Variants in MDH2 observed in about 807,000 individuals in gnomAD.
MDH2 encodes the protein malate dehydrogenase, mitochondrial.
A neutral mutation model predicts 33.6 loss-of-function variants in MDH2; 25 were observed. The ratio of observed to expected loss-of-function variants is 0.74; its 90% CI spans 0.54 to 1.04. The LOEUF (loss-of-function observed/expected upper bound fraction) is 1.04. Ranked by LOEUF, MDH2 falls within the 50% of genes least tolerant of loss-of-function variation. MDH2 has a pLI of 0.00. For missense variants in MDH2, 432 were observed against 445.0 expected, an observed-to-expected ratio of 0.97 and a Z score of 0.26; for synonymous variants, 193 against 188.7, an observed-to-expected ratio of 1.02 and a Z score of -0.19.
Position 76,066,468 on chromosome 7 carries a change from G to C in MDH2, c.*58G>C. 3.9e-6 allele frequency: 6 copies of C among 1,550,656 alleles called. No homozygotes were observed. The highest frequency in any genetic ancestry group is 5.2e-6 in the Non-Finnish European group (6 of 1,147,622). The stretch of plus-strand genomic sequence containing the variant: ...TATGAAGGCATCATGTCACTGCAAA[G>C]CCGTTGCAGATAAACTTTGTATTTT... On this transcript the variant is annotated 3_prime_UTR_variant, in exon 9 of 9. Coordinates refer to ENST00000315758, the MANE Select transcript of MDH2 (RefSeq NM_005918.4).
chr7:76,053,357 T>A (rs1797677473), intron 1 of MDH2, among the ~76,000 whole-genome samples: 1 of 151,968 alleles, frequency 6.6e-6, no homozygotes, highest in African/African-American at 2.4e-5. Flanking sequence ...ACACAAGATG[T>A]GGGAGTGAGA....
chr7:76,062,669 CTT>C (rs1797988198), intron 5 of MDH2, among the ~76,000 whole-genome samples: 1 of 152,222 alleles, frequency 6.6e-6, no homozygotes, highest in Admixed American at 6.5e-5. Context: ...AATCCCAGCA[CTT>C]TGGGAAGCCA....
chr7:76,053,317 A>G (rs1344362149), intron 1 of MDH2, among the ~76,000 whole-genome samples: 2 of 152,166 alleles, frequency 1.3e-5, no homozygotes, highest in Non-Finnish European at 2.9e-5. Context: ...CTGGGAATGC[A>G]GAGCTGGGAT....
intron 1 of MDH2, chr7:76,054,546 TC>T: frequency 2.4e-6 from 1 of 413,928 alleles, no homozygotes. Context: ...CTGTTACCAG[TC>T]CAGCTGCCTG....
chr7:76,059,149 G>A (rs1184578578), intron 4 of MDH2, among the ~76,000 whole-genome samples: 3 of 152,174 alleles, frequency 2.0e-5, no homozygotes, highest in Non-Finnish European at 4.4e-5. Context: ...TCGCCATGTT[G>A]GTGAGGCTGG....
At position 76,064,984 on chromosome 7, in the gene MDH2, G is replaced by A. The variant is rs202166736; in HGVS notation, c.885+31G>A. 7.4e-6 allele frequency: 12 copies of A among 1,612,376 alleles called. No homozygotes were observed. The East Asian group carries it at 1.6e-4, about 21-fold the overall frequency. The stretch of plus-strand genomic sequence containing the variant: ...TATCCAGGCGTGGGTCCTTCTGACT[G>A]TGGAATAAGGGGGCGTTCCCTTTGC... On this transcript the variant is annotated intron_variant, in intron 8 of 8. Transcript: ENST00000315758.
rs1554586547 is a variant in MDH2, at chr7:76,058,119, GT to G, written c.429+44del. The G allele has an allele frequency of 1.9e-6, 3 of 1,561,484 alleles. No homozygotes were observed. The Admixed American group carries it at 5.1e-5, about 26-fold the overall frequency. On this transcript the variant is annotated intron_variant, in intron 4 of 8. Transcript: ENST00000315758. ...CCCGGCTCTTGCAGCTATGGCAGGT[GT>G]TTAGGTGCTGACAGTGCGTGAAAAG...
rs558787456 is a variant in MDH2 at position 76,052,508 on chromosome 7, C to T, written c.67-2322C>T. On this transcript the variant is annotated intron_variant, in intron 1 of 8. Coordinates refer to ENST00000315758, the MANE Select transcript of MDH2 (RefSeq NM_005918.4). ...CCCTGGTGGGATTGTCTTGGCCACT[C>T]CCCTGTGGAACCACTGCCCTGGCTG... Among the ~76,000 whole-genome samples, 11 of 151,078 alleles carry T rather than the reference C, an allele frequency of 7.3e-5. 1 individual carries two copies. In the South Asian group the frequency reaches 2.1e-3, roughly 29 times the overall value.
intron 5 of MDH2, among the ~76,000 whole-genome samples, chr7:76,062,401 C>T (rs1797980525): frequency 3.9e-5 from 6 of 152,244 alleles, no homozygotes; most frequent in Admixed American, 3.9e-4. Flanking sequence ...AGTGCCCGCA[C>T]GTGTGTGCTT....
rs1797858262 is a variant in MDH2 at position 76,058,672 on chromosome 7, TC to T, written c.429+596del. Among the ~76,000 whole-genome samples the T allele has an allele frequency of 2.0e-5, 3 of 152,330 alleles. No individual in the cohort carries two copies. The South Asian group carries it at 6.2e-4, about 32-fold the overall frequency. ...ATTTCTTTCCCTTTAGTCAGGAACT[TC>T]CACCTTCTCGCTTAAGGGAAGTACT... On this transcript the variant is annotated intron_variant, in intron 4 of 8. Coordinates refer to ENST00000315758, the MANE Select transcript of MDH2 (RefSeq NM_005918.4).
rs139725372 is a variant in MDH2 at position 76,054,878 on chromosome 7, C to A, written c.115C>A (p.Pro39Thr). 4 of 1,614,082 alleles carry A rather than the reference C, an allele frequency of 2.5e-6. No homozygotes were observed. The highest frequency in any genetic ancestry group is 3.4e-6 in the Non-Finnish European group (4 of 1,180,054). Reference sequence around the variant, plus strand: ...AGGGGCCTCTGGAGGCATCGGGCAGCCACTTTCACTTCTCCTGAAGAACAG... The same window carrying A: ...AGGGGCCTCTGGAGGCATCGGGCAGACACTTTCACTTCTCCTGAAGAACAG... ...VLGASGGIGQ[P>T]LSLLLKNSPL... The change falls in exon 2 of 9, where the codon CCA becomes ACA. Residue 39 changes from proline (P) to threonine (T), a missense_variant. Pro to Thr is a conservative substitution (Grantham distance 38, BLOSUM62 -1). Coordinates refer to ENST00000315758, the MANE Select transcript of MDH2 (RefSeq NM_005918.4).
intron 2 of MDH2, among the ~76,000 whole-genome samples, chr7:76,056,275 G>T (rs1104878): frequency 0.45 from 68,934 of 152,054 alleles, 18,097 homozygotes; most frequent in African/African-American, 0.72. Flanking sequence ...ACATCTTGTT[G>T]AAGTCTTAGA....
chr7:76,056,918 C>G (rs1554586344), intron 2 of MDH2, among the ~76,000 whole-genome samples: 1 of 151,718 alleles, frequency 6.6e-6, no homozygotes, highest in East Asian at 1.9e-4. Flanking sequence ...GAGGCTGAAA[C>G]AGGAGAATCA....
chr7:76,048,342 C>T, intron 1 of MDH2, 116 bp downstream of exon 1: 1 of 1,381,292 alleles, frequency 7.2e-7, no homozygotes. Flanking sequence ...CAGGGATGCC[C>T]GGCACTGGCT....
rs184955712 is a variant in MDH2, at chr7:76,058,906, G to C, written c.429+828G>C. Reference sequence around the variant, plus strand: ...GGGCAAAGGGTTGACCCCTGTCCTGGGCGGGATGGAGCCAGAGTTCATCCT... The same window carrying C: ...GGGCAAAGGGTTGACCCCTGTCCTGCGCGGGATGGAGCCAGAGTTCATCCT... On this transcript the variant is annotated intron_variant, in intron 4 of 8. Transcript: ENST00000315758. 2.0e-4 allele frequency among the ~76,000 whole-genome samples: 31 copies of C among 152,340 alleles called. No individual in the cohort carries two copies. In the East Asian group the frequency reaches 5.8e-3, roughly 28 times the overall value.
intron 8 of MDH2, chr7:76,065,210 G>T (rs1798063355): frequency 2.5e-6 from 1 of 392,622 alleles, no homozygotes; most frequent in Non-Finnish European, 4.6e-6. Flanking sequence ...CAGGAGTATT[G>T]ACTGATAAGA....
At position 76,049,684 on chromosome 7, in the gene MDH2, G is replaced by T. The variant is rs547115170; in HGVS notation, c.66+1458G>T. On this transcript the variant is annotated intron_variant, in intron 1 of 8. Coordinates refer to ENST00000315758, the MANE Select transcript of MDH2 (RefSeq NM_005918.4). ...TTGAGCTAGGTACTGGAAATACAGC[G>T]GTGAACAAAACACAGAAGTCCCTGC... is the stretch of plus-strand genomic sequence containing the variant. 1.5e-3 allele frequency among the ~76,000 whole-genome samples: 221 copies of T among 152,112 alleles called. 10 individuals are homozygous for T. In the South Asian group the frequency reaches 0.045, roughly 31 times the overall value.
intron 8 of MDH2, among the ~76,000 whole-genome samples, chr7:76,066,049 A>G (rs534749249): frequency 6.6e-6 from 1 of 152,180 alleles, no homozygotes; most frequent in East Asian, 1.9e-4. Context: ...GTACCTGCCT[A>G]GACAATCACA....
intron 2 of MDH2, 37 bp downstream of exon 2, chr7:76,055,035 T>TC (rs1797728640): frequency 1.3e-6 from 2 of 1,566,434 alleles, no homozygotes; most frequent in Non-Finnish European, 1.7e-6. Context: ...TTGCTTCCTG[T>TC]CCCCAGTAGG....
Sources: allele counts gnomAD v4.1 joint callset (sites outside exome capture counted in the v4.1 genomes callset), GRCh38; gene constraint gnomAD v4.1.1; transcripts MANE v1.5; gene names NCBI Gene and HGNC (gene_info 2026-07-23, HGNC 2026-07-21).